The following SIL1 variants were observed in gnomAD, a reference collection of about 807,000 sequenced individuals.
The protein encoded by SIL1 is nucleotide exchange factor SIL1.
Under a neutral mutation model 49.1 loss-of-function variants are expected in SIL1, and 40 were observed. The ratio of observed to expected loss-of-function variants is 0.81; its 90% confidence interval spans 0.63 to 1.06. SIL1 has a LOEUF of 1.06. SIL1 is among the 50% of genes least tolerant of loss of function. The probability of loss-of-function intolerance (pLI) is 0.00; values close to 1 mark genes in which losing one functional copy is unlikely to be tolerated. For missense variants in SIL1, 500 were observed against 572.6 expected (o/e 0.87, Z 1.29); for synonymous variants, 253 against 250.8 (o/e 1.01, Z -0.08).
intron 3 of SIL1, among the ~76,000 whole-genome samples, chr5:139,077,692 C>G (rs549275050): frequency 1.3e-5 from 2 of 152,252 alleles, no homozygotes; most frequent in African/African-American, 4.8e-5. Flanking sequence ...GGGCACAGTT[C>G]CACACAGAGG....
At chr5:138,983,251 G>A (rs907356317) in intron 7 of SIL1, among the ~76,000 whole-genome samples, 21 of 141,748 alleles carry the variant, frequency 1.5e-4, no homozygotes, top group African/African-American at 5.5e-4. Flanking sequence ...GCTCACACCT[G>A]TCATCCCAGC....
intron 7 of SIL1, among the ~76,000 whole-genome samples, chr5:138,974,473 C>T (rs1767351646): frequency 6.6e-6 from 1 of 152,200 alleles, no homozygotes. Flanking sequence ...CTCCCAATTA[C>T]TTGTACTGTT....
At chr5:138,990,542 C>T (rs1185496141) in intron 7 of SIL1, among the ~76,000 whole-genome samples, 3 of 152,132 alleles carry the variant, frequency 2.0e-5, no homozygotes, top group East Asian at 1.9e-4. Flanking sequence ...GCAGCCTCGA[C>T]CTCCCAGGTT....
intron 1 of SIL1, among the ~76,000 whole-genome samples, chr5:139,188,546 C>T (rs547942957): frequency 3.4e-4 from 52 of 152,196 alleles, no homozygotes; most frequent in African/African-American, 1.2e-3. Context: ...GGGGCTTTTT[C>T]CTCACTCCCT....
chr5:139,055,778 CTCCTGCCTCAGCCTGCCGAGT>C (rs1292163884), intron 3 of SIL1, among the ~76,000 whole-genome samples: 1 of 144,696 alleles, frequency 6.9e-6, no homozygotes, highest in Non-Finnish European at 1.5e-5. Context: ...CTGCCTGATT[CTCCTGCCTCAGCCTGCCGAGT>C]GCCTGCGATT....
Position 139,121,090 on chromosome 5 carries a change from A to C in SIL1, c.189T>G (p.Asp63Glu), listed in dbSNP as rs115591710. The C allele has an allele frequency of 6.5e-4, 1,042 of 1,614,204 alleles. 4 individuals carry two copies. In the African/African-American group the frequency reaches 0.012, roughly 19 times the overall value. ...RKETKAEEEL[D>E]AEVLEVFHPT... ...GGTGGAACACCTCCAGGACTTCGGC[A>C]TCCAGCTCCTCCTCGGCTTTGGTTT... The change falls in exon 3 of 10, where the codon GAT becomes GAG. Residue 63 changes from aspartate to glutamate, a missense_variant. Physicochemically the swap from Asp to Glu is conservative, Grantham distance 45 (BLOSUM62 2). Coordinates refer to ENST00000394817, the MANE Select transcript of SIL1 (RefSeq NM_022464.5).
rs879437180 is a variant in SIL1, at chr5:139,026,847, T to C, written c.599A>G (p.Glu200Gly). ...ATCAAAGAGCGCAGCAATCTTCTCT[T>C]CCAAACTGGAGCTGGAACTATTGAA... The part of the protein sequence containing the change: ...NKFNSSSSSL[E>G]EKIAALFDLE... Residue 200 changes from glutamate (E) to glycine (G), a missense_variant, in exon 6 of 10, where the codon GAA becomes GGA. Glu to Gly is a moderately conservative substitution (Grantham distance 98). Transcript: ENST00000394817. The C allele has an allele frequency of 2.0e-5, 33 of 1,614,040 alleles. No homozygotes were observed. Among genetic ancestry groups the C allele is most frequent in the Non-Finnish European group, 2.8e-5 (33 of 1,180,018 alleles).
At chr5:138,969,796 G>C (rs1012104798) in intron 7 of SIL1, among the ~76,000 whole-genome samples, 1 of 152,210 alleles carries the variant, frequency 6.6e-6, no homozygotes, top group African/African-American at 2.4e-5. Flanking sequence ...TAAAAATATG[G>C]AACAATGAAT....
At chr5:139,129,399 T>G (rs964335331) in intron 1 of SIL1, among the ~76,000 whole-genome samples, 4 of 152,062 alleles carry the variant, frequency 2.6e-5, no homozygotes, top group African/African-American at 9.7e-5. Flanking sequence ...AAGAGTGAAG[T>G]TGGGGCCAGG....
At chr5:139,039,934 C>T (rs1359784862) in intron 5 of SIL1, among the ~76,000 whole-genome samples, 1 of 152,164 alleles carries the variant, frequency 6.6e-6, no homozygotes, top group East Asian at 1.9e-4. Context: ...CAAGGAACTC[C>T]GGGAAAGACT....
intron 3 of SIL1, among the ~76,000 whole-genome samples, chr5:139,056,200 G>A (rs1173350534): frequency 6.6e-6 from 1 of 150,782 alleles, no homozygotes; most frequent in East Asian, 2.0e-4. Context: ...GTCTCTGCCC[G>A]GCCGCCATCC....
intron 7 of SIL1, among the ~76,000 whole-genome samples, chr5:139,015,592 T>C (rs1404569783): frequency 2.6e-5 from 4 of 152,234 alleles, no homozygotes; most frequent in Non-Finnish European, 4.4e-5. Context: ...CCTCAGCATG[T>C]TGGCTTTTTG....
chr5:139,113,364 G>A (rs1296603219), intron 3 of SIL1, among the ~76,000 whole-genome samples: 4 of 151,476 alleles, frequency 2.6e-5, no homozygotes, highest in African/African-American at 7.3e-5. Context: ...AAATCTACTG[G>A]CTTGTCAGTT....
At chr5:139,171,224 G>T (rs1400358684) in intron 1 of SIL1, among the ~76,000 whole-genome samples, 2 of 152,242 alleles carry the variant, frequency 1.3e-5, no homozygotes, top group African/African-American at 4.8e-5. Flanking sequence ...TTGAGAACGG[G>T]CCGGGATGAC....
rs146894433 is a variant in SIL1 at position 138,983,369 on chromosome 5, G to A, written c.768-31485C>T. Among the ~76,000 whole-genome samples the A allele has an allele frequency of 3.8e-3, 581 of 151,874 alleles. 3 individuals carry two copies. The highest frequency in any genetic ancestry group is 8.6e-3 in the African/African-American group (355 of 41,422). On this transcript the variant is annotated intron_variant, in intron 7 of 9. Coordinates refer to ENST00000394817, the MANE Select transcript of SIL1 (RefSeq NM_022464.5). ...TATAAGTACAAAAAATTAGCCAGGC[G>A]TGGTGGCAGATGCCTGTAGTCCCAG...
chr5:139,046,697 C>T (rs543952953), intron 4 of SIL1, among the ~76,000 whole-genome samples: 4 of 152,294 alleles, frequency 2.6e-5, no homozygotes, highest in African/African-American at 9.6e-5. Context: ...TAAAACCTTG[C>T]TCCCCAATGG....
intron 3 of SIL1, among the ~76,000 whole-genome samples, chr5:139,119,398 CAGAT>C (rs1750558940): frequency 2.0e-5 from 3 of 152,202 alleles, no homozygotes; most frequent in Admixed American, 2.0e-4. Flanking sequence ...ACCACAGAAA[CAGAT>C]AGAGTAGGAG....
intron 7 of SIL1, among the ~76,000 whole-genome samples, chr5:138,997,702 G>C (rs947272895): frequency 6.6e-6 from 1 of 152,190 alleles, no homozygotes; most frequent in Non-Finnish European, 1.5e-5. Flanking sequence ...GGGACTACAG[G>C]CGTGTGCCAC....
intron 3 of SIL1, among the ~76,000 whole-genome samples, chr5:139,093,240 A>G (rs1358102739): frequency 3.9e-5 from 6 of 152,216 alleles, no homozygotes. Flanking sequence ...GGCCCACAAC[A>G]GATGCAGCTC....
Sources: gnomAD v4.1 joint callset for allele counts (sites outside exome capture counted in the v4.1 genomes callset) on GRCh38, gnomAD v4.1.1 for gene constraint, MANE v1.5 for transcripts, NCBI Gene and HGNC (gene_info 2026-07-23, HGNC 2026-07-21) for gene names.